Variants in SMOC2 observed in about 807,000 individuals in gnomAD.
SMOC2 encodes the protein SPARC-related modular calcium-binding protein 2.
Under a neutral mutation model 61.4 loss-of-function variants are expected in SMOC2, and 39 were observed. The ratio of observed to expected loss-of-function variants is 0.64; its 90% CI spans 0.49 to 0.83. The LOEUF is 0.83. Ranked by LOEUF, SMOC2 falls within the 40% of genes least tolerant of loss-of-function variation. SMOC2 has a pLI of 0.00. For synonymous variants in SMOC2, 247 were observed against 239.9 expected, an observed-to-expected ratio of 1.03 and a Z score of -0.27; for missense variants, 556 against 592.9, an observed-to-expected ratio of 0.94 and a Z score of 0.65.
intron 7 of SMOC2, among the ~76,000 whole-genome samples, chr6:168,578,767 G>C (rs1220462135): frequency 1.3e-5 from 2 of 152,240 alleles, no homozygotes; most frequent in Admixed American, 1.3e-4. Context: ...CTCAGCAAAA[G>C]TGCCTATTAT....
intron 7 of SMOC2, among the ~76,000 whole-genome samples, chr6:168,556,731 AT>A (rs1292789616): frequency 5.5e-5 from 7 of 127,848 alleles, no homozygotes; most frequent in Non-Finnish European, 8.3e-5. Context: ...TCCTAATGCT[AT>A]CCCTCCCCCC....
At position 168,540,918 on chromosome 6, in the gene SMOC2, C is replaced by G. The variant is rs188982145; in HGVS notation, c.464-2707C>G. Among the ~76,000 whole-genome samples, 697 of 152,246 alleles carry G rather than the reference C, an allele frequency of 4.6e-3. 3 individuals are homozygous for G. Among genetic ancestry groups the G allele is most frequent in the Non-Finnish European group, 6.7e-3 (454 of 68,012 alleles). ...CTCTCACGTCTGTGCCGCAGACCTCCCTCCCCTCACTCACCTGGGAAGGGC... is the reference window on the plus strand; with the variant it reads ...CTCTCACGTCTGTGCCGCAGACCTCGCTCCCCTCACTCACCTGGGAAGGGC... On this transcript the variant is annotated intron_variant, in intron 4 of 12. Coordinates refer to ENST00000356284, the MANE Select transcript of SMOC2 (RefSeq NM_001166412.2).
At chr6:168,537,184 C>A (rs1783751782) in intron 4 of SMOC2, among the ~76,000 whole-genome samples, 1 of 150,792 alleles carries the variant, frequency 6.6e-6, no homozygotes. Context: ...CAGCAGTCTG[C>A]AGGCTTGAGA....
At chr6:168,455,086 C>A (rs1781553479) in intron 1 of SMOC2, among the ~76,000 whole-genome samples, 1 of 151,954 alleles carries the variant, frequency 6.6e-6, no homozygotes, top group African/African-American at 2.4e-5. Context: ...CTGCAGGGTG[C>A]CGGGGCGGAG....
chr6:168,543,821 A>G (rs1562338412), intron 5 of SMOC2, 149 bp downstream of exon 5: 1 of 742,012 alleles, frequency 1.3e-6, no homozygotes, highest in Non-Finnish European at 2.2e-6. Flanking sequence ...CAGCAATGCC[A>G]TTCACTCACG....
At chr6:168,646,058 C>T (rs1787021654) in intron 9 of SMOC2, among the ~76,000 whole-genome samples, 1 of 152,186 alleles carries the variant, frequency 6.6e-6, no homozygotes. Flanking sequence ...ATACCAGTTT[C>T]CTAAACATTG....
intron 8 of SMOC2, among the ~76,000 whole-genome samples, chr6:168,604,820 C>T (rs186375839): frequency 6.6e-6 from 1 of 152,300 alleles, no homozygotes; most frequent in African/African-American, 2.4e-5. Flanking sequence ...TGCCACTCTG[C>T]CCAGATGAGG....
chr6:168,549,035 T>C, intron 6 of SMOC2, 94 bp from the exon 7 acceptor site: 1 of 894,682 alleles, frequency 1.1e-6, no homozygotes, highest in Non-Finnish European at 1.9e-6. Context: ...TTGATTTATT[T>C]TGGCTGTTGG....
At chr6:168,500,708 C>A (rs564486216) in intron 1 of SMOC2, among the ~76,000 whole-genome samples, 1 of 152,120 alleles carries the variant, frequency 6.6e-6, no homozygotes, top group Non-Finnish European at 1.5e-5. Flanking sequence ...CTCTACCCCC[C>A]GAGGAGGTAC....
chr6:168,476,070 C>T (rs1028317516), intron 1 of SMOC2, among the ~76,000 whole-genome samples: 42 of 152,202 alleles, frequency 2.8e-4, no homozygotes, highest in African/African-American at 7.7e-4. Flanking sequence ...AACACACAAG[C>T]GTAAAAAGAT....
At chr6:168,635,886 G>C (rs906337954) in intron 9 of SMOC2, among the ~76,000 whole-genome samples, 5 of 117,666 alleles carry the variant, frequency 4.2e-5, no homozygotes, top group Admixed American at 8.4e-5. Flanking sequence ...AAAAAAAAAA[G>C]TTTACTGGTT....
intron 7 of SMOC2, among the ~76,000 whole-genome samples, chr6:168,596,041 C>G (rs1276033350): frequency 7.9e-6 from 1 of 126,848 alleles, no homozygotes; most frequent in Non-Finnish European, 1.8e-5. Context: ...TGAACAAGCG[C>G]CACGTGAACA....
intron 7 of SMOC2, among the ~76,000 whole-genome samples, chr6:168,556,055 G>T (rs551826272): frequency 1.3e-5 from 2 of 152,292 alleles, no homozygotes; most frequent in African/African-American, 2.4e-5. Flanking sequence ...GGCCATGCGG[G>T]TCTCAGCCCG....
chr6:168,575,088 G>A (rs1784765977), intron 7 of SMOC2, among the ~76,000 whole-genome samples: 2 of 152,174 alleles, frequency 1.3e-5, no homozygotes, highest in African/African-American at 2.4e-5. Context: ...GGGAGGAAGT[G>A]TGTCTGTGGG....
intron 7 of SMOC2, among the ~76,000 whole-genome samples, chr6:168,551,797 C>T (rs1784135988): frequency 6.6e-6 from 1 of 152,188 alleles, no homozygotes; most frequent in African/African-American, 2.4e-5. Flanking sequence ...GTAACCATTT[C>T]AGGCTTCAGC....
chr6:168,517,787 C>T (rs1219416859), intron 2 of SMOC2, among the ~76,000 whole-genome samples: 4 of 152,084 alleles, frequency 2.6e-5, no homozygotes, highest in African/African-American at 9.7e-5. Context: ...GCTGGCAGCA[C>T]GTGGGAACCC....
intron 7 of SMOC2, among the ~76,000 whole-genome samples, chr6:168,582,963 A>C (rs1784955670): frequency 6.6e-6 from 1 of 151,270 alleles, no homozygotes. Flanking sequence ...CCCCTCCTTC[A>C]AGACTCACGC....
chr6:168,568,353 G>T (rs1447133721), intron 7 of SMOC2, among the ~76,000 whole-genome samples: 1 of 152,178 alleles, frequency 6.6e-6, no homozygotes, highest in East Asian at 1.9e-4. Flanking sequence ...TGCAGAAAGC[G>T]CAGAGTTTCC....
intron 8 of SMOC2, among the ~76,000 whole-genome samples, chr6:168,599,251 CACAT>C (rs1785429755): frequency 6.7e-6 from 1 of 148,196 alleles, no homozygotes; most frequent in Admixed American, 6.7e-5. Context: ...CACACCCACA[CACAT>C]ACCCACACAC....
Sources: allele counts gnomAD v4.1 joint callset (sites outside exome capture counted in the v4.1 genomes callset), GRCh38; gene constraint gnomAD v4.1.1; transcripts MANE v1.5; gene names NCBI Gene and HGNC (gene_info 2026-07-23, HGNC 2026-07-21).